The following NUP42 variants were observed in gnomAD, a reference collection of about 807,000 sequenced individuals.
NUP42 encodes nucleoporin 42.
Under a neutral mutation model 35.9 loss-of-function variants are expected in NUP42, and 47 were observed. The observed-to-expected ratio is 1.31, with a 90% CI of 1.04 to 1.67. The LOEUF is 1.67. Ranked by LOEUF, NUP42 falls within the 40% of genes most tolerant of loss-of-function variation. The pLI, the probability that NUP42 is intolerant of heterozygous loss-of-function variation, is 0.00. For missense variants in NUP42, 514 were observed against 492.2 expected (o/e 1.04, Z -0.42); for synonymous variants, 173 against 173.3 (o/e 1.00, Z 0.01).
At position 23,200,773 on chromosome 7, in the gene NUP42, T is replaced by A. The variant is rs1278990160; in HGVS notation, c.*28T>A. ...GGGCAATTTTAAATACAAAAAAGAA[T>A]GATGTTTAAAATTGCTTTGAGTGAT... On this transcript the variant is annotated 3_prime_UTR_variant, in exon 7 of 7. Transcript: ENST00000258742. 1 of 1,466,374 alleles carries A rather than the reference T, an allele frequency of 6.8e-7. No homozygotes were observed. Among genetic ancestry groups the A allele is most frequent in the Non-Finnish European group, 9.2e-7 (1 of 1,091,528 alleles). The allele number at this position is 1,466,374 out of a possible 1,614,324, so 90.8% of individuals were successfully genotyped here.
At chr7:23,190,378 A>C (rs1785749832) in intron 3 of NUP42, among the ~76,000 whole-genome samples, 1 of 152,232 alleles carries the variant, frequency 6.6e-6, no homozygotes, top group Non-Finnish European at 1.5e-5. Flanking sequence ...AAGGCTATTC[A>C]TCTTACTAAA....
intron 3 of NUP42, among the ~76,000 whole-genome samples, chr7:23,194,002 G>C (rs938801276): frequency 6.6e-6 from 1 of 152,310 alleles, no homozygotes; most frequent in South Asian, 2.1e-4. Flanking sequence ...GCCCGGCAGG[G>C]CCAGCCGGCA....
intron 5 of NUP42, among the ~76,000 whole-genome samples, chr7:23,197,011 T>C (rs2128474833): frequency 6.6e-6 from 1 of 152,354 alleles, no homozygotes; most frequent in South Asian, 2.1e-4. Flanking sequence ...TTAACTTTGG[T>C]AGTGCTAGTT....
intron 3 of NUP42, chr7:23,188,438 T>C: frequency 1.0e-6 from 1 of 985,418 alleles, no homozygotes; most frequent in Non-Finnish European, 1.2e-6. Flanking sequence ...CACAAAGTAT[T>C]AAGCCCTTAA....
intron 1 of NUP42, among the ~76,000 whole-genome samples, chr7:23,184,373 G>T (rs1437761834): frequency 6.6e-6 from 1 of 152,122 alleles, no homozygotes; most frequent in Non-Finnish European, 1.5e-5. Flanking sequence ...GCCTGGTGGG[G>T]GAGCAAAGAA....
chr7:23,193,248 T>C (rs1270751446), intron 3 of NUP42, among the ~76,000 whole-genome samples: 1 of 152,170 alleles, frequency 6.6e-6, no homozygotes, highest in Non-Finnish European at 1.5e-5. Flanking sequence ...TTCCACAGTG[T>C]GGAAGAGGAG....
At chr7:23,194,685 CTTTTGT>C (rs1554296537) in intron 3 of NUP42, 64 of 155,592 alleles carry the variant, frequency 4.1e-4, no homozygotes, top group African/African-American at 5.9e-4. Context: ...TTTGTTTTTG[CTTTTGT>C]TTTTGTTTTT....
chr7:23,185,417 AG>A (rs765899852), intron 2 of NUP42, 119 bp downstream of exon 2: 1 of 720,292 alleles, frequency 1.4e-6, no homozygotes, highest in South Asian at 2.0e-5. Flanking sequence ...CTTTAAAAAA[AG>A]AAATAATGCA....
chr7:23,188,834 G>A (rs1785692141), intron 3 of NUP42, among the ~76,000 whole-genome samples: 2 of 152,092 alleles, frequency 1.3e-5, no homozygotes, highest in Non-Finnish European at 2.9e-5. Context: ...TTGCACTGTT[G>A]GTGCAGCAGC....
At chr7:23,189,341 G>A (rs565539048) in intron 3 of NUP42, among the ~76,000 whole-genome samples, 79 of 152,366 alleles carry the variant, frequency 5.2e-4, no homozygotes, top group African/African-American at 1.7e-3. Context: ...AGGGCCACAC[G>A]CAGCAGCTCA....
intron 1 of NUP42, 55 bp from the exon 2 acceptor site, chr7:23,185,015 G>A: frequency 6.9e-7 from 1 of 1,448,518 alleles, no homozygotes; most frequent in Non-Finnish European, 9.4e-7. Context: ...CAATTAAAAA[G>A]AAAATAGAAA....
intron 3 of NUP42, among the ~76,000 whole-genome samples, chr7:23,189,212 A>G (rs1194277191): frequency 6.6e-6 from 1 of 152,244 alleles, no homozygotes; most frequent in African/African-American, 2.4e-5. Flanking sequence ...GCCAATGAAA[A>G]AAATTAAAAC....
chr7:23,198,560 G>A (rs2128475070), intron 5 of NUP42, among the ~76,000 whole-genome samples: 1 of 152,246 alleles, frequency 6.6e-6, no homozygotes, highest in Admixed American at 6.5e-5. Context: ...GTTTGCTTTG[G>A]ATGATTAAGA....
At chr7:23,197,176 T>C in intron 5 of NUP42, 1 of 1,294,810 alleles carries the variant, frequency 7.7e-7, no homozygotes, top group Non-Finnish European at 1.0e-6. Flanking sequence ...TAAACAGAAA[T>C]GCCTTTGGAA....
intron 1 of NUP42, among the ~76,000 whole-genome samples, chr7:23,184,674 C>G (rs935729620): frequency 1.3e-5 from 2 of 152,090 alleles, no homozygotes; most frequent in African/African-American, 4.8e-5. Context: ...TCTATATTGT[C>G]TAGACATACT....
At chr7:23,200,065 A>G (rs992485644) in intron 6 of NUP42, 103 bp from the exon 7 acceptor site, 6 of 861,196 alleles carry the variant, frequency 7.0e-6, no homozygotes, top group Admixed American at 3.0e-5. Context: ...ACACTGAAAC[A>G]TGACATAAAT....
chr7:23,193,078 C>A (rs1728324), intron 3 of NUP42, among the ~76,000 whole-genome samples: 13,614 of 150,964 alleles, frequency 0.09, 941 homozygotes, highest in African/African-American at 0.19. Context: ...TTAAGGCGGC[C>A]CGTCTGGAGT....
At chr7:23,189,064 C>T (rs1175007171) in intron 3 of NUP42, among the ~76,000 whole-genome samples, 2 of 152,080 alleles carry the variant, frequency 1.3e-5, no homozygotes, top group African/African-American at 4.8e-5. Context: ...GTGTGTCTGC[C>T]CCATGCCCAA....
At chr7:23,185,472 A>G (rs1785559933) in intron 2 of NUP42, among the ~76,000 whole-genome samples, 174 bp downstream of exon 2, 1 of 152,200 alleles carries the variant, frequency 6.6e-6, no homozygotes, top group Non-Finnish European at 1.5e-5. Context: ...AATCACCCAC[A>G]ATTCTATCAC....
Sources: allele counts gnomAD v4.1 joint callset (sites outside exome capture counted in the v4.1 genomes callset), GRCh38; gene constraint gnomAD v4.1.1; transcripts MANE v1.5; gene names NCBI Gene and HGNC (gene_info 2026-07-23, HGNC 2026-07-21).